The following WNT7B variants were observed in gnomAD, a reference collection of about 807,000 sequenced individuals.
WNT7B encodes protein Wnt-7b.
In WNT7B, 19 loss-of-function variants were observed where a neutral mutation model predicts 38.2. That is an observed-to-expected ratio of 0.50 (90% CI 0.35 to 0.73). The LOEUF (loss-of-function observed/expected upper bound fraction) is 0.73, where lower values mean the gene tolerates loss of function less well. WNT7B is among the 30% of genes least tolerant of loss of function. The probability of loss-of-function intolerance (pLI) is 0.01; values close to 1 mark genes in which losing one functional copy is unlikely to be tolerated. For synonymous variants in WNT7B, 243 were observed against 209.3 expected (o/e 1.16, Z -1.39); for missense variants, 423 against 507.9 (o/e 0.83, Z 1.61).
At chr22:45,953,220 GTGTCCTCGGCTTCCCCTC>G (rs1931978150) in intron 1 of WNT7B, among the ~76,000 whole-genome samples, 1 of 52,846 alleles carries the variant, frequency 1.9e-5, no homozygotes, top group African/African-American at 1.1e-4. Flanking sequence ...CACAGTCACC[GTGTCCTCGGCTTCCCCTC>G]ACAGTCACCG....
At position 45,925,285 on chromosome 22, in the gene WNT7B, G is replaced by C. The variant is rs1302691303; in HGVS notation, c.571-1950C>G. 4.1e-6 allele frequency: 4 copies of C among 985,422 alleles called. No individual in the cohort carries two copies. In the East Asian group the frequency reaches 4.5e-4, roughly 112 times the overall value. The allele number at this position is 985,422 out of a possible 1,614,324, so 61.0% of individuals were successfully genotyped here. Reference sequence around the variant, plus strand: ...CAGGTGGGTGCCGGGTGGGCCCTAGGCTGGCAGCCTGGAGCTGGGGTGTTT... The same window carrying C: ...CAGGTGGGTGCCGGGTGGGCCCTAGCCTGGCAGCCTGGAGCTGGGGTGTTT... On this transcript the variant is annotated intron_variant, in intron 3 of 3. Transcript: ENST00000339464.
intron 2 of WNT7B, among the ~76,000 whole-genome samples, chr22:45,932,396 T>C (rs1252833947): frequency 1.3e-5 from 2 of 150,764 alleles, no homozygotes; most frequent in African/African-American, 2.5e-5. Flanking sequence ...GAGGCCTCCC[T>C]GTCCAGGCAG....
rs1315613063 is a variant in WNT7B, at chr22:45,965,548, G to A, written c.71+11136C>T. On this transcript the variant is annotated intron_variant, in intron 1 of 3. Transcript: ENST00000339464. The surrounding 1 kb of genome is among the most constrained non-coding windows in gnomAD (Gnocchi z 6.5). ...ATGGGGAAACTGAGGCCCAGAGAAG[G>A]GGAGGGATACCCTCAAGGTTGCCGC... Among the ~76,000 whole-genome samples, 1 of 152,116 alleles carries A rather than the reference G, an allele frequency of 6.6e-6. No homozygotes were observed. The highest frequency in any genetic ancestry group is 1.5e-5 in the Non-Finnish European group (1 of 68,012).
chr22:45,927,353 G>A, intron 3 of WNT7B: 2 of 1,474,494 alleles, frequency 1.4e-6, no homozygotes, highest in South Asian at 1.4e-5. Context: ...TGGTAGAAGT[G>A]GGGGCAGGGC....
chr22:45,972,116 G>GGGGGGGGGCCCC, intron 1 of WNT7B: 3 of 530,738 alleles, frequency 5.7e-6, no homozygotes, highest in East Asian at 3.7e-5. Flanking sequence ...CCCGGGGGGA[G>GGGGGGGGGCCCC]CCCACCCGCC....
At chr22:45,929,231 G>A (rs1024572416) in intron 3 of WNT7B, among the ~76,000 whole-genome samples, 3 of 152,164 alleles carry the variant, frequency 2.0e-5, no homozygotes, top group Admixed American at 6.5e-5. Flanking sequence ...ACTTTCCTCT[G>A]GACTCTCAAG....
intron 3 of WNT7B, among the ~76,000 whole-genome samples, chr22:45,930,458 C>A (rs536363699): frequency 6.6e-6 from 1 of 152,234 alleles, no homozygotes; most frequent in Non-Finnish European, 1.5e-5. Context: ...TGCCGCCGTG[C>A]AGCTGCTCCT....
chr22:45,973,696 A>G (rs902261023), intron 1 of WNT7B, among the ~76,000 whole-genome samples: 2 of 152,118 alleles, frequency 1.3e-5, no homozygotes, highest in Non-Finnish European at 2.9e-5. Context: ...TGGGTGAGAA[A>G]CTGACTCCCT....
intron 1 of WNT7B, among the ~76,000 whole-genome samples, chr22:45,962,597 T>C (rs1452682122): frequency 6.6e-6 from 1 of 152,234 alleles, no homozygotes; most frequent in Non-Finnish European, 1.5e-5. Context: ...GCTGGGCTCC[T>C]GAGGAAGCCG....
intron 1 of WNT7B, among the ~76,000 whole-genome samples, chr22:45,952,822 C>G (rs926933407): frequency 3.9e-5 from 6 of 152,216 alleles, no homozygotes; most frequent in African/African-American, 1.4e-4. Context: ...TGACCAAGTC[C>G]GTCTGCTCAA....
At chr22:45,943,352 C>T (rs114457615) in intron 2 of WNT7B, among the ~76,000 whole-genome samples, 158 of 152,386 alleles carry the variant, frequency 1.0e-3, no homozygotes, top group African/African-American at 3.7e-3. Context: ...GGCGCCCGTG[C>T]GCCCGAGGCC....
intron 2 of WNT7B, among the ~76,000 whole-genome samples, chr22:45,934,742 GTTACTCA>G (rs1175558577): frequency 1.3e-5 from 2 of 152,198 alleles, no homozygotes; most frequent in African/African-American, 2.4e-5. Context: ...CTCAGACTCA[GTTACTCA>G]CCGGTTACTC....
intron 3 of WNT7B, chr22:45,927,254 A>C: frequency 1.0e-6 from 1 of 985,376 alleles, no homozygotes; most frequent in Non-Finnish European, 1.2e-6. Flanking sequence ...CTGCTCTGAC[A>C]GTTTTCCGCA....
Position 45,929,972 on chromosome 22 carries a change from C to CATA in WNT7B, c.570+1125_570+1126insTAT, listed in dbSNP as rs1931282486. Among the ~76,000 whole-genome samples the CATA allele has an allele frequency of 1.3e-5, 2 of 151,672 alleles. 1 individual carries two copies. Among genetic ancestry groups the CATA allele is most frequent in the African/African-American group, 4.8e-5 (2 of 41,276 alleles). On this transcript the variant is annotated intron_variant, in intron 3 of 3. Transcript: ENST00000339464. ...TCCATCCACTCATACATCTATCCAT[C>CATA]CATCCAACAATAACTTAATAACCAC... is the stretch of plus-strand genomic sequence containing the variant.
At chr22:45,969,677 G>T (rs9723267) in intron 1 of WNT7B, among the ~76,000 whole-genome samples, 40,843 of 152,180 alleles carry the variant, frequency 0.27, 6,633 homozygotes, top group East Asian at 0.67. Flanking sequence ...CCAGGCATGC[G>T]TCTGGGATTC....
chr22:45,938,968 AAAG>A (rs1931577530), intron 2 of WNT7B, among the ~76,000 whole-genome samples: 1 of 152,266 alleles, frequency 6.6e-6, no homozygotes, highest in African/African-American at 2.4e-5. Context: ...ACATTTGTCC[AAAG>A]AAGGTATAAA....
At chr22:45,924,003 G>T (rs74363652) in intron 3 of WNT7B, among the ~76,000 whole-genome samples, 4,206 of 152,324 alleles carry the variant, frequency 0.028, 207 homozygotes, top group African/African-American at 0.096. Context: ...GTGCAGCCGA[G>T]TGTTTTCCTT....
Position 45,951,394 on chromosome 22 carries a change from GA to G in WNT7B, c.72-1249del, listed in dbSNP as rs910484705. Reference sequence around the variant, plus strand: ...ACCCAGCCTTGTGTGTTTTTTTAATGAGGTGAAATTCCCATAACATAAAATG... The same window carrying G: ...ACCCAGCCTTGTGTGTTTTTTTAATGGGTGAAATTCCCATAACATAAAATG... On this transcript the variant is annotated intron_variant, in intron 1 of 3. Transcript: ENST00000339464. The surrounding 1 kb of genome is among the most constrained non-coding windows in gnomAD (Gnocchi z 4.8). Among the ~76,000 whole-genome samples, 14 of 150,340 alleles carry G rather than the reference GA, an allele frequency of 9.3e-5. No homozygotes were observed. The highest frequency in any genetic ancestry group is 1.9e-4 in the Non-Finnish European group (13 of 67,972).
Position 45,923,077 on chromosome 22 carries a change from A to G in WNT7B, c.829T>C (p.Tyr277His). 1 of 1,613,438 alleles carries G rather than the reference A, an allele frequency of 6.2e-7. No homozygotes were observed. The highest frequency in any genetic ancestry group is 8.5e-7 in the Non-Finnish European group (1 of 1,179,818). ...CCCGTGGCCGCGTCCTCCTCGCAGT[A>G]GTTGGGCGACTTCTCAATGTACACC... ...DLVYIEKSPN[Y>H]CEEDAATGSV... The change falls in exon 4 of 4, where the codon TAC (tyrosine) becomes CAC (histidine). Residue 277 changes from tyrosine to histidine, a missense_variant. Transcript: ENST00000339464.
Sources: gnomAD v4.1 joint callset for allele counts (sites outside exome capture counted in the v4.1 genomes callset) on GRCh38, gnomAD v4.1.1 for gene constraint, Gnocchi (gnomAD v3.1) non-coding constraint, MANE v1.5 for transcripts, NCBI Gene and HGNC (gene_info 2026-07-23, HGNC 2026-07-21) for gene names.